The following PTTG1IP2 variants were observed in gnomAD, a reference collection of about 807,000 sequenced individuals.
PTTG1IP2 encodes PTTG1IP family member 2.
intron 6 of PTTG1IP2, among the ~76,000 whole-genome samples, chr7:90,501,831 T>A (rs1463600345): frequency 6.6e-6 from 1 of 152,142 alleles, no homozygotes; most frequent in African/African-American, 2.4e-5. Context: ...GGCAATGAGG[T>A]TTGCCACATG....
intron 6 of PTTG1IP2, among the ~76,000 whole-genome samples, chr7:90,495,343 A>T (rs1562987742): frequency 6.6e-6 from 1 of 152,208 alleles, no homozygotes; most frequent in Non-Finnish European, 1.5e-5. Context: ...CTTAAAGTTC[A>T]TCCTACCCAA....
At chr7:90,493,342 ATTGT>A (rs1797960539) in intron 5 of PTTG1IP2, among the ~76,000 whole-genome samples, 1 of 152,216 alleles carries the variant, frequency 6.6e-6, no homozygotes. Flanking sequence ...TTATGTAGAA[ATTGT>A]TTGGGTGATA....
rs60699800 is a variant in PTTG1IP2 at position 90,472,320 on chromosome 7, A to ACC, written c.145+2392_145+2393dup. Among the ~76,000 whole-genome samples the ACC allele has an allele frequency of 9.3e-3, 949 of 101,824 alleles. 6 individuals carry two copies. Among genetic ancestry groups the ACC allele is most frequent in the Non-Finnish European group, 0.014 (645 of 47,464 alleles). 66.8% of individuals were successfully genotyped at this position (101,824 alleles called of 152,430 possible). A position where few individuals can be genotyped will look rare whatever the true frequency, so the allele number is the denominator to read the frequency against. On this transcript the variant is annotated intron_variant, in intron 1 of 6. Coordinates refer to ENST00000509356, the MANE Select transcript of PTTG1IP2 (RefSeq NM_001365443.2). Reference sequence around the variant, plus strand: ...CACACACACACACACACACACACACACCCCAAATAATCTACCCTAGAAGAG... The same window carrying ACC: ...CACACACACACACACACACACACACACCCCCCAAATAATCTACCCTAGAAGAG...
chr7:90,480,183 G>A (rs1195682436), intron 2 of PTTG1IP2, among the ~76,000 whole-genome samples: 1 of 152,072 alleles, frequency 6.6e-6, no homozygotes, highest in African/African-American at 2.4e-5. Context: ...CACTTCTGTG[G>A]CATCTCTGAA....
At chr7:90,484,212 T>C (rs1295668641) in intron 2 of PTTG1IP2, among the ~76,000 whole-genome samples, 1 of 151,950 alleles carries the variant, frequency 6.6e-6, no homozygotes, top group African/African-American at 2.4e-5. Flanking sequence ...ATTCTTTTCT[T>C]TCACCTGGAA....
chr7:90,506,013 A>G (rs74644393), intron 6 of PTTG1IP2, among the ~76,000 whole-genome samples: 22 of 147,888 alleles, frequency 1.5e-4, no homozygotes, highest in African/African-American at 5.3e-4. Flanking sequence ...AAAAAAAAAA[A>G]AAAAAAAGAA....
chr7:90,477,410 A>C (rs1172645312), intron 1 of PTTG1IP2, among the ~76,000 whole-genome samples: 1 of 152,248 alleles, frequency 6.6e-6, no homozygotes, highest in Non-Finnish European at 1.5e-5. Context: ...TCTAAACCTC[A>C]ACCATGGAAC....
chr7:90,495,351 CA>C (rs1797981312), intron 6 of PTTG1IP2, among the ~76,000 whole-genome samples: 1 of 152,214 alleles, frequency 6.6e-6, no homozygotes, highest in African/African-American at 2.4e-5. Context: ...TCATCCTACC[CA>C]ACACCTCTTC....
Position 90,490,020 on chromosome 7 carries a change from C to T in PTTG1IP2, c.380+1056C>T, listed in dbSNP as rs1198818579. Among the ~76,000 whole-genome samples the T allele has an allele frequency of 2.0e-5, 3 of 152,072 alleles. No homozygotes were observed. The East Asian group carries it at 5.8e-4, about 29-fold the overall frequency. ...ATCTTTGTATTTGCTAAAATACATT[C>T]ATTTTCTTCTTATAAATATTCTTCT... On this transcript the variant is annotated intron_variant, in intron 4 of 6. Transcript: ENST00000509356.
chr7:90,478,150 G>A (rs1797773621), intron 1 of PTTG1IP2, among the ~76,000 whole-genome samples: 1 of 151,488 alleles, frequency 6.6e-6, no homozygotes, highest in South Asian at 2.1e-4. Context: ...GGGTGAGGGG[G>A]TATACAGGAA....
chr7:90,496,133 T>C (rs1461602944), intron 6 of PTTG1IP2, among the ~76,000 whole-genome samples: 1 of 152,246 alleles, frequency 6.6e-6, no homozygotes, highest in Non-Finnish European at 1.5e-5. Context: ...ATAGTGTCTT[T>C]GTCTGGCTTG....
intron 1 of PTTG1IP2, among the ~76,000 whole-genome samples, chr7:90,478,332 C>G (rs1015411673): frequency 3.3e-5 from 5 of 152,174 alleles, no homozygotes; most frequent in African/African-American, 1.2e-4. Context: ...GGCCAGCTGT[C>G]CTTCACATAG....
At chr7:90,510,530 CATGT>C (rs1313257324) in intron 6 of PTTG1IP2, among the ~76,000 whole-genome samples, 6 of 152,226 alleles carry the variant, frequency 3.9e-5, no homozygotes, top group Middle Eastern at 3.4e-3. Flanking sequence ...CACATGCATG[CATGT>C]ATGTTTGCCT....
chr7:90,510,543 C>G (rs1798176610), intron 6 of PTTG1IP2, among the ~76,000 whole-genome samples: 1 of 152,086 alleles, frequency 6.6e-6, no homozygotes, highest in Non-Finnish European at 1.5e-5. Flanking sequence ...GTATGTTTGC[C>G]TGTGTCTATG....
intron 6 of PTTG1IP2, among the ~76,000 whole-genome samples, chr7:90,511,370 C>T (rs973057775): frequency 6.6e-6 from 1 of 152,118 alleles, no homozygotes; most frequent in Admixed American, 6.5e-5. Flanking sequence ...ATCTTTATTC[C>T]CTTTTTAGCC....
chr7:90,472,898 G>A (rs1006357678), intron 1 of PTTG1IP2, among the ~76,000 whole-genome samples: 1 of 152,202 alleles, frequency 6.6e-6, no homozygotes, highest in African/African-American at 2.4e-5. Context: ...TGACACTAAG[G>A]TTTAAATGCT....
At chr7:90,497,286 C>T (rs866998562) in intron 6 of PTTG1IP2, among the ~76,000 whole-genome samples, 12 of 152,128 alleles carry the variant, frequency 7.9e-5, no homozygotes, top group African/African-American at 2.2e-4. Context: ...AAGTTAAGGC[C>T]GGGCGCAGTG....
At chr7:90,478,147 G>A (rs1562983924) in intron 1 of PTTG1IP2, among the ~76,000 whole-genome samples, 1 of 151,514 alleles carries the variant, frequency 6.6e-6, no homozygotes, top group Non-Finnish European at 1.5e-5. Flanking sequence ...ACTGGGTGAG[G>A]GGGTATACAG....
At chr7:90,493,878 T>C (rs1797965450) in intron 5 of PTTG1IP2, among the ~76,000 whole-genome samples, 1 of 152,228 alleles carries the variant, frequency 6.6e-6, no homozygotes, top group South Asian at 2.1e-4. Context: ...ATGGTAGTTT[T>C]CAGAGTATTT....
Sources: allele counts gnomAD v4.1 joint callset (sites outside exome capture counted in the v4.1 genomes callset), GRCh38; gene constraint gnomAD v4.1.1; transcripts MANE v1.5; gene names NCBI Gene and HGNC (gene_info 2026-07-23, HGNC 2026-07-21).